The following INPPL1 variants were observed in gnomAD, a reference collection of about 807,000 sequenced individuals.
INPPL1 encodes the protein inositol polyphosphate phosphatase like 1.
In INPPL1, 91 loss-of-function variants were observed where a neutral mutation model predicts 139.3. That is an observed-to-expected ratio of 0.65 (90% CI 0.55 to 0.78). INPPL1 has a LOEUF of 0.78. Among genes scored for constraint, INPPL1 ranks in the 30% least tolerant of loss-of-function variants. The probability of loss-of-function intolerance (pLI) is 0.00; values close to 1 mark genes in which losing one functional copy is unlikely to be tolerated. For missense variants in INPPL1, 1,411 were observed against 1,665.6 expected (o/e 0.85, Z 2.66); for synonymous variants, 719 against 686.6 (o/e 1.05, Z -0.74).
intron 17 of INPPL1, 27 bp downstream of exon 17, chr11:72,233,190 TG>T (rs1431056792): frequency 1.3e-6 from 2 of 1,597,056 alleles, no homozygotes; most frequent in Admixed American, 3.4e-5. Context: ...GCATGGGCCT[TG>T]GGGGACCGCA....
chr11:72,233,249 G>T (rs1948887812), intron 17 of INPPL1, 86 bp downstream of exon 17: 1 of 1,240,344 alleles, frequency 8.1e-7, no homozygotes, highest in Non-Finnish European at 1.2e-6. Flanking sequence ...GGCCTCTGCA[G>T]CTTCCACTCC....
At position 72,232,277 on chromosome 11, in the gene INPPL1, T is replaced by C. The variant is rs1179063726; in HGVS notation, c.1653T>C (p.Asn551=). ...CTGTGGGCGTCTCCTTCATGTTTAA[T>C]GGCACCTCATTTGGCTTTGTGAATT... ...KGAVGVSFMF[N]GTSFGFVNCH... is the part of the protein sequence containing the mutation. The change falls in exon 14 of 28, where the codon AAT becomes AAC. Residue 551 remains asparagine (N), a synonymous_variant. Transcript: ENST00000298229. The C allele has an allele frequency of 6.4e-7, 1 of 1,557,504 alleles. No individual in the cohort carries two copies. Among genetic ancestry groups the C allele is most frequent in the South Asian group, 1.2e-5 (1 of 84,388 alleles).
chr11:72,235,516 G>C lies in INPPL1; in HGVS notation c.2659+65G>C, dbSNP rs868659449. 5.6e-5 allele frequency: 89 copies of C among 1,577,572 alleles called. No homozygotes were observed. In the Middle Eastern group the frequency reaches 1.7e-3, roughly 30 times the overall value. On this transcript the variant is annotated intron_variant, in intron 23 of 27. Transcript: ENST00000298229. The surrounding 1 kb of genome is among the most constrained non-coding windows in gnomAD (Gnocchi z 4.9). ...CAGATCAAGGAGGGCAGGGTGCGGG[G>C]GGCATGTTGGAATCTCTGGGATACC...
At position 72,229,956 on chromosome 11, in the gene INPPL1, A is replaced by G. The variant is rs371907420; in HGVS notation, c.876A>G (p.Thr292=). 9.9e-6 allele frequency: 16 copies of G among 1,614,042 alleles called. No individual in the cohort carries two copies. The highest frequency in any genetic ancestry group is 1.7e-5 in the Admixed American group (1 of 60,002). ...AGGCCCTACAGGACATGAGCTCCAC[A>G]GCACCCCCAGCTCCGCAGCCATCCA... The part of the protein sequence containing the change: ...ALKALQDMSS[T]APPAPQPSTR... Residue 292 remains threonine, a synonymous_variant, in exon 8 of 28, where the codon ACA becomes ACG. Transcript: ENST00000298229.
chr11:72,236,085 T>TG, intron 25 of INPPL1, 99 bp downstream of exon 25: 1 of 691,550 alleles, frequency 1.4e-6, no homozygotes, highest in East Asian at 2.7e-5. Context: ...GATCATCAGC[T>TG]GCTTAGGTGC....
intron 1 of INPPL1, among the ~76,000 whole-genome samples, chr11:72,226,174 G>A (rs1010627177): frequency 1.4e-5 from 2 of 146,416 alleles, no homozygotes; most frequent in Non-Finnish European, 3.0e-5. Context: ...GACCAGGGGA[G>A]ACCTTTTTTT....
At position 72,228,510 on chromosome 11, in the gene INPPL1, T is replaced by A; in HGVS notation, c.397+12T>A. The A allele has an allele frequency of 6.2e-7, 1 of 1,603,626 alleles. No homozygotes were observed. Among genetic ancestry groups the A allele is most frequent in the Non-Finnish European group, 8.5e-7 (1 of 1,179,796 alleles). ...CCGGGATGCCTCAGGTACTTCCCAG[T>A]GTGCAGGTCCCCTCCCTGCCCCTGT... is the stretch of plus-strand genomic sequence containing the variant. On this transcript the variant is annotated intron_variant, in intron 3 of 27. Coordinates refer to ENST00000298229, the MANE Select transcript of INPPL1 (RefSeq NM_001567.4). The surrounding 1 kb of genome is among the most constrained non-coding windows in gnomAD (Gnocchi z 5.0).
Position 72,228,601 on chromosome 11 carries a change from C to T in INPPL1, c.397+103C>T, listed in dbSNP as rs918846796. ...CCCCACCTCTCCTGTAACCCCCTTTCCCTTGGCCATGATGCCGGGGCCCTT... is the reference window on the plus strand; with the variant it reads ...CCCCACCTCTCCTGTAACCCCCTTTTCCTTGGCCATGATGCCGGGGCCCTT... On this transcript the variant is annotated intron_variant, in intron 3 of 27. Transcript: ENST00000298229. This position sits in a 1 kb window ranked among gnomAD's most constrained non-coding sequence, Gnocchi z 5.0. 20 of 1,543,590 alleles carry T rather than the reference C, an allele frequency of 1.3e-5. No individual in the cohort carries two copies. The highest frequency in any genetic ancestry group is 1.8e-5 in the Non-Finnish European group (20 of 1,138,768).
Position 72,232,347 on chromosome 11 carries a change from G to A in INPPL1, c.1712+11G>A, listed in dbSNP as rs377264503. The stretch of plus-strand genomic sequence containing the variant: ...TGAGAAGACGGCTCGGTGAGGGGGC[G>A]CCTTTCCCATGGTCTCTTTACACCC... On this transcript the variant is annotated intron_variant, in intron 14 of 27. Coordinates refer to ENST00000298229, the MANE Select transcript of INPPL1 (RefSeq NM_001567.4). 5.2e-5 allele frequency: 81 copies of A among 1,549,284 alleles called. No individual in the cohort carries two copies. Among genetic ancestry groups the A allele is most frequent in the South Asian group, 1.3e-4 (11 of 84,004 alleles).
At position 72,235,557 on chromosome 11, in the gene INPPL1, C is replaced by T; in HGVS notation, c.2659+106C>T. 2 of 1,558,650 alleles carry T rather than the reference C, an allele frequency of 1.3e-6. No homozygotes were observed. Among genetic ancestry groups the T allele is most frequent in the South Asian group, 2.3e-5 (2 of 85,462 alleles). ...CTGGGATACCTGGAGGTTCTGCAGC[C>T]ACAGCTGGGAATAGTCCTGCCCCAA... On this transcript the variant is annotated intron_variant, in intron 23 of 27. Transcript: ENST00000298229. The surrounding 1 kb of genome is among the most constrained non-coding windows in gnomAD (Gnocchi z 4.9).
In INPPL1 at chr11:72,237,718, G is replaced by C; in HGVS notation, c.3474G>C (p.Leu1158=). 6.2e-7 allele frequency: 1 copy of C among 1,611,788 alleles called. No individual in the cohort carries two copies. Among genetic ancestry groups the C allele is most frequent in the Non-Finnish European group, 8.5e-7 (1 of 1,179,564 alleles). The change falls in exon 26 of 28, where the codon CTG becomes CTC. Residue 1158 remains leucine, a synonymous_variant. Transcript: ENST00000298229. ...GPLELQPPRG[L]PSDYGRPLSF... ...TGGAGCTGCAGCCCCCCCGGGGACT[G>C]CCCTCGGACTATGGCCGGCCCCTCA...
chr11:72,237,945 C>T, intron 26 of INPPL1, 97 bp from the exon 27 acceptor site: 1 of 1,454,958 alleles, frequency 6.9e-7, no homozygotes, highest in Non-Finnish European at 9.1e-7. Flanking sequence ...TCAGCCCAGC[C>T]CTTCCCTTCC....
In INPPL1 at chr11:72,228,399, G is replaced by C; in HGVS notation, c.298G>C (p.Gly100Arg). ...RRFQTLGELIGLYAQPNQGLV... is the reference protein window; with the variant it reads ...RRFQTLGELIRLYAQPNQGLV... ...CTTCCAGACCCTGGGTGAGCTCATC[G>C]GCCTGTACGCCCAGCCCAACCAGGG... The change falls in exon 3 of 28, where the codon GGC becomes CGC. Residue 100 changes from glycine to arginine, a missense_variant. Physicochemically the swap from Gly to Arg is moderately radical, Grantham distance 125. This residue lies in a region of INPPL1 where 504 missense variants were observed against 595.6 expected (regional missense o/e 0.85). Transcript: ENST00000298229. This position sits in a 1 kb window ranked among gnomAD's most constrained non-coding sequence, Gnocchi z 5.0. 6.2e-7 allele frequency: 1 copy of C among 1,613,156 alleles called. No homozygotes were observed. Among genetic ancestry groups the C allele is most frequent in the Non-Finnish European group, 8.5e-7 (1 of 1,179,990 alleles).
upstream of INPPL1, among the ~76,000 whole-genome samples, chr11:72,224,111 A>AGGGCTCTGCG (rs1369456954): frequency 6.6e-6 from 1 of 151,364 alleles, no homozygotes; most frequent in Non-Finnish European, 1.5e-5. Flanking sequence ...GAGAGGGGGA[A>AGGGCTCTGCG]GGGCTCTGCG....
chr11:72,225,288 C>T, intron 1 of INPPL1, 122 bp downstream of exon 1: 1 of 1,221,056 alleles, frequency 8.2e-7, no homozygotes, highest in South Asian at 4.2e-5. Context: ...CCTCCACCCC[C>T]CAGAGTGGGA....
chr11:72,234,732 AGTGTGTGT>A lies in INPPL1; in HGVS notation c.2415+142_2415+149del, dbSNP rs112903949. On this transcript the variant is annotated intron_variant, in intron 21 of 27. Transcript: ENST00000298229. The surrounding 1 kb of genome is among the most constrained non-coding windows in gnomAD (Gnocchi z 4.2). ...GGGGCCAGCAGAGAGAGAGAGAGAG[AGTGTGTGT>A]GTGTGTGTGTGTGTGTGTGTGTGTA... The A allele has an allele frequency of 1.1e-4, 59 of 528,406 alleles. No individual in the cohort carries two copies. The highest frequency in any genetic ancestry group is 5.0e-4 in the Middle Eastern group (1 of 2,018). The allele number at this position is 528,406 out of a possible 1,614,324, so 32.7% of individuals were successfully genotyped here.
At chr11:72,230,080 A>C (rs764599724) in intron 8 of INPPL1, 41 bp from the exon 9 acceptor site, 28 of 1,612,500 alleles carry the variant, frequency 1.7e-5, no homozygotes, top group Non-Finnish European at 2.4e-5. Flanking sequence ...GGTGCTGCCT[A>C]CTCCAAGGTC....
chr11:72,227,387 T>C (rs1012041394), intron 1 of INPPL1, among the ~76,000 whole-genome samples: 2 of 152,172 alleles, frequency 1.3e-5, no homozygotes, highest in Admixed American at 1.3e-4. Context: ...GGTATGCTAT[T>C]GTAATAAACA....
intron 7 of INPPL1, 69 bp from the exon 8 acceptor site, chr11:72,229,855 C>G (rs922689052): frequency 9.0e-6 from 14 of 1,564,170 alleles, no homozygotes; most frequent in African/African-American, 8.1e-5. Flanking sequence ...GCCCCAAGGT[C>G]AATTGTGTCC....
Sources: gnomAD v4.1 joint callset for allele counts (sites outside exome capture counted in the v4.1 genomes callset) on GRCh38, gnomAD v4.1.1 for gene constraint, gnomAD v4.1.1 regional missense constraint, Gnocchi (gnomAD v3.1) non-coding constraint, MANE v1.5 for transcripts, NCBI Gene and HGNC (gene_info 2026-07-23, HGNC 2026-07-21) for gene names.